Variants in OPCML observed in about 807,000 individuals in gnomAD.
OPCML encodes opioid binding protein/cell adhesion molecule like, also known as opioid-binding protein/cell adhesion molecule.
A neutral mutation model predicts 37.8 loss-of-function variants in OPCML; 13 were observed. The observed-to-expected ratio is 0.34, with a 90% CI of 0.22 to 0.55. The LOEUF is 0.55. OPCML is among the 20% of genes least tolerant of loss of function. The probability of loss-of-function intolerance (pLI) is 0.91; values close to 1 mark genes in which losing one functional copy is unlikely to be tolerated. For synonymous variants in OPCML, 176 were observed against 168.8 expected (o/e 1.04, Z -0.33); for missense variants, 341 against 435.6 (o/e 0.78, Z 1.93).
chr11:133,193,677 G>A lies in OPCML; in HGVS notation c.62-250667C>T, dbSNP rs373622940. Among the ~76,000 whole-genome samples the A allele has an allele frequency of 3.9e-4, 59 of 152,074 alleles. 1 individual carries two copies. The highest frequency in any genetic ancestry group is 3.7e-3 in the Admixed American group (56 of 15,266). ...TTGTATACTGCTGAGCCCACTGACA[G>A]CACTCAATAAATAATAAATAATGAT... is the stretch of plus-strand genomic sequence containing the variant. On this transcript the variant is annotated intron_variant, in intron 1 of 7. Coordinates refer to ENST00000524381, the MANE Select transcript of OPCML (RefSeq NM_001012393.5).
chr11:133,257,542 G>C (rs971440434), intron 1 of OPCML, among the ~76,000 whole-genome samples: 20 of 152,112 alleles, frequency 1.3e-4, no homozygotes, highest in African/African-American at 4.8e-4. Flanking sequence ...GTGGCCCCTG[G>C]AGCTTATGCT....
rs117548594 is a variant in OPCML, at chr11:132,707,483, A to G, written c.147-50164T>C. On this transcript the variant is annotated intron_variant, in intron 2 of 7. Transcript: ENST00000524381. ...ATCCTATGGAACATATTTCAGTTATATGAGAATATAGCAAATGACATCTGC... is the reference window on the plus strand; with the variant it reads ...ATCCTATGGAACATATTTCAGTTATGTGAGAATATAGCAAATGACATCTGC... Among the ~76,000 whole-genome samples the G allele has an allele frequency of 6.3e-3, 967 of 152,350 alleles. 12 individuals carry two copies. The highest frequency in any genetic ancestry group is 0.014 in the South Asian group (68 of 4,830).
chr11:132,439,839 C>T lies in OPCML; in HGVS notation c.506-2480G>A, dbSNP rs150578706. On this transcript the variant is annotated intron_variant, in intron 4 of 7. Transcript: ENST00000524381. ...TTAAATTGCATTGCATTTAACCAAA[C>T]ACATGGGCTACCTGCTGAGGGCCTG... Among the ~76,000 whole-genome samples the T allele has an allele frequency of 5.5e-3, 835 of 152,196 alleles. 6 individuals are homozygous for T. Among genetic ancestry groups the T allele is most frequent in the African/African-American group, 0.019 (771 of 41,530 alleles).
At chr11:133,122,964 C>G (rs1395592321) in intron 1 of OPCML, among the ~76,000 whole-genome samples, 1 of 152,192 alleles carries the variant, frequency 6.6e-6, no homozygotes, top group Non-Finnish European at 1.5e-5. Context: ...CAATGTGCTT[C>G]TAAAATACTG....
intron 1 of OPCML, chr11:133,361,546 A>G (rs1019000603): frequency 1.3e-5 from 2 of 156,410 alleles, no homozygotes; most frequent in African/African-American, 4.9e-5. Context: ...GCGCGCAGAC[A>G]GGTCCGGGGC....
At chr11:133,194,458 C>A (rs1376056592) in intron 1 of OPCML, among the ~76,000 whole-genome samples, 1 of 152,134 alleles carries the variant, frequency 6.6e-6, no homozygotes, top group East Asian at 1.9e-4. Context: ...GATCTGCCCA[C>A]CTTGGCCTCC....
At chr11:133,127,890 CTCTGAGTGACGGG>C (rs1048658390) in intron 1 of OPCML, among the ~76,000 whole-genome samples, 7 of 152,062 alleles carry the variant, frequency 4.6e-5, no homozygotes, top group Admixed American at 3.9e-4. Context: ...CCAAACGGGG[CTCTGAGTGACGGG>C]TCTGGTTGGC....
chr11:133,413,643 G>C (rs1228427541), intron 1 of OPCML, among the ~76,000 whole-genome samples: 1 of 152,152 alleles, frequency 6.6e-6, no homozygotes, highest in South Asian at 2.1e-4. Flanking sequence ...CGCTTCAGCT[G>C]ATAGAAAACT....
At chr11:133,236,564 A>G (rs1940526499) in intron 1 of OPCML, among the ~76,000 whole-genome samples, 1 of 152,080 alleles carries the variant, frequency 6.6e-6, no homozygotes, top group Non-Finnish European at 1.5e-5. Context: ...TAGAAGCAAA[A>G]TTTATTCAAA....
intron 1 of OPCML, chr11:133,007,402 A>C (rs1947133477): frequency 2.0e-6 from 2 of 985,460 alleles, no homozygotes; most frequent in Non-Finnish European, 2.4e-6. Flanking sequence ...TTATCGCCCC[A>C]TTAAAGAGTC....
intron 1 of OPCML, among the ~76,000 whole-genome samples, chr11:133,275,131 G>A (rs933594882): frequency 6.6e-6 from 1 of 152,118 alleles, no homozygotes; most frequent in Admixed American, 6.6e-5. Flanking sequence ...GTGGGAGGCT[G>A]GGTAAATATT....
intron 1 of OPCML, among the ~76,000 whole-genome samples, chr11:133,213,027 A>T (rs1272345354): frequency 6.6e-6 from 1 of 152,198 alleles, no homozygotes; most frequent in Admixed American, 6.5e-5. Flanking sequence ...TTGAAAGTGT[A>T]GAAAGTTGTT....
intron 4 of OPCML, 65 bp from the exon 5 acceptor site, chr11:132,437,424 C>T (rs2096017006): frequency 6.3e-7 from 1 of 1,584,582 alleles, no homozygotes; most frequent in Admixed American, 1.8e-5. Context: ...GAACCATATT[C>T]ACATCTAGAG....
At chr11:133,333,860 C>T (rs1943681458) in intron 1 of OPCML, among the ~76,000 whole-genome samples, 1 of 152,066 alleles carries the variant, frequency 6.6e-6, no homozygotes, top group African/African-American at 2.4e-5. Flanking sequence ...CAAAAGAAGA[C>T]ATATATGTGT....
At chr11:133,137,090 C>T (rs933816222) in intron 1 of OPCML, among the ~76,000 whole-genome samples, 1 of 152,116 alleles carries the variant, frequency 6.6e-6, no homozygotes, top group South Asian at 2.1e-4. Flanking sequence ...GCTGGTTTAG[C>T]TCCTATTTAA....
At chr11:132,965,680 G>T (rs1403969645) in intron 1 of OPCML, among the ~76,000 whole-genome samples, 1 of 151,986 alleles carries the variant, frequency 6.6e-6, no homozygotes, top group Admixed American at 6.6e-5. Flanking sequence ...CTCCATGCAA[G>T]GGCCACCACG....
At chr11:133,203,397 C>A (rs956738082) in intron 1 of OPCML, among the ~76,000 whole-genome samples, 24 of 152,182 alleles carry the variant, frequency 1.6e-4, no homozygotes, top group Non-Finnish European at 3.4e-4. Context: ...CTCTCTCAAC[C>A]TTGCCTCACA....
At chr11:132,750,235 A>G (rs778291566) in intron 2 of OPCML, among the ~76,000 whole-genome samples, 11 of 152,220 alleles carry the variant, frequency 7.2e-5, no homozygotes, top group Admixed American at 5.9e-4. Flanking sequence ...CTAAATACTT[A>G]TATTTTCTAA....
intron 2 of OPCML, among the ~76,000 whole-genome samples, chr11:132,808,104 T>C (rs1939121315): frequency 6.6e-6 from 1 of 152,202 alleles, no homozygotes; most frequent in African/African-American, 2.4e-5. Context: ...AAGTCAAATA[T>C]CAGCAATTTC....
Sources: gnomAD v4.1 joint callset for allele counts (sites outside exome capture counted in the v4.1 genomes callset) on GRCh38, gnomAD v4.1.1 for gene constraint, MANE v1.5 for transcripts, NCBI Gene and HGNC (gene_info 2026-07-23, HGNC 2026-07-21) for gene names.